LTBP1: variants seen among roughly 807,000 people sequenced by gnomAD.
LTBP1 encodes the protein latent-transforming growth factor beta-binding protein 1.
Under a neutral mutation model 207.6 loss-of-function variants are expected in LTBP1, and 129 were observed. The observed-to-expected ratio is 0.62, with a 90% CI of 0.54 to 0.72. The LOEUF (loss-of-function observed/expected upper bound fraction) is 0.72. Among genes scored for constraint, LTBP1 ranks in the 30% least tolerant of loss-of-function variants. The pLI is 0.00. For synonymous variants in LTBP1, 963 were observed against 833.7 expected, an observed-to-expected ratio of 1.16 and a Z score of -2.67; for missense variants, 2,281 against 2,217.2, an observed-to-expected ratio of 1.03 and a Z score of -0.58.
chr2:33,257,026 T>TATATTCTG (rs1161060510), intron 11 of LTBP1, among the ~76,000 whole-genome samples: 2 of 151,422 alleles, frequency 1.3e-5, no homozygotes, highest in African/African-American at 4.8e-5. Flanking sequence ...ATATAATATG[T>TATATTCTG]ATATTCTGAT....
At chr2:33,318,538 A>G (rs1267317530) in intron 24 of LTBP1, among the ~76,000 whole-genome samples, 1 of 152,228 alleles carries the variant, frequency 6.6e-6, no homozygotes, top group Non-Finnish European at 1.5e-5. Context: ...CTGGATATAA[A>G]TAAGTGCAGA....
intron 19 of LTBP1, among the ~76,000 whole-genome samples, chr2:33,286,710 G>A (rs534057423): frequency 1.3e-5 from 2 of 152,010 alleles, no homozygotes; most frequent in South Asian, 4.2e-4. Flanking sequence ...ACTGGATTAA[G>A]AAAACGTGGC....
chr2:33,081,520 G>A (rs995094654), intron 3 of LTBP1, among the ~76,000 whole-genome samples: 3 of 152,094 alleles, frequency 2.0e-5, no homozygotes, highest in Non-Finnish European at 2.9e-5. Flanking sequence ...AGGGAATTCC[G>A]TGCTCAATCC....
chr2:33,215,466 A>G (rs532703330), intron 7 of LTBP1, among the ~76,000 whole-genome samples: 20 of 152,322 alleles, frequency 1.3e-4, no homozygotes, highest in African/African-American at 4.8e-4. Flanking sequence ...TGATGTAACT[A>G]AAACTTAGCT....
At chr2:33,141,951 AG>A (rs2082672057) in intron 5 of LTBP1, among the ~76,000 whole-genome samples, 1 of 152,224 alleles carries the variant, frequency 6.6e-6, no homozygotes, top group African/African-American at 2.4e-5. Context: ...GGTGAAAAAA[AG>A]GATACAGTCC....
intron 7 of LTBP1, among the ~76,000 whole-genome samples, chr2:33,193,980 A>T (rs1221098800): frequency 6.6e-6 from 1 of 150,736 alleles, no homozygotes; most frequent in South Asian, 2.1e-4. Flanking sequence ...CACTTTATTT[A>T]TTTTTATTTA....
chr2:33,000,186 G>C (rs2148963963), intron 2 of LTBP1, among the ~76,000 whole-genome samples: 1 of 135,378 alleles, frequency 7.4e-6, no homozygotes, highest in East Asian at 3.8e-4. Flanking sequence ...AAAAGTACAG[G>C]GCTCCAGGCC....
chr2:33,056,399 A>G (rs982659029), intron 3 of LTBP1: 77 of 1,200,904 alleles, frequency 6.4e-5, no homozygotes, highest in Non-Finnish European at 8.4e-5. Flanking sequence ...TGTTAGGCAA[A>G]ATGCCGCCCT....
chr2:33,014,994 C>CTTT (rs970499735), intron 2 of LTBP1, among the ~76,000 whole-genome samples: 3 of 141,142 alleles, frequency 2.1e-5, no homozygotes, highest in Admixed American at 7.1e-5. Flanking sequence ...GTTTTGGCCA[C>CTTT]TTTTTTTTTT....
In LTBP1 at chr2:33,188,683, A is replaced by G. The variant is rs149253678; in HGVS notation, c.1533A>G (p.Thr511=). The G allele has an allele frequency of 5.5e-5, 89 of 1,614,178 alleles. No homozygotes were observed. The African/African-American group carries it at 8.9e-4, about 16-fold the overall frequency. ...TTGATGGCCCAACAGGCCAGAAGAC[A>G]AAAGAAGCTCAACCAGGCCAATCCC... ...SRIDGPTGQK[T]KEAQPGQSQV... Residue 511 remains threonine, a synonymous_variant, in exon 7 of 34, where the codon ACA becomes ACG. Coordinates refer to ENST00000404816, the MANE Select transcript of LTBP1 (RefSeq NM_206943.4).
intron 3 of LTBP1, among the ~76,000 whole-genome samples, chr2:33,076,832 GA>G (rs11306482): frequency 0.89 from 135,473 of 152,166 alleles, 62,187 homozygotes; most frequent in East Asian, 1. Flanking sequence ...ACCGCGCCCA[GA>G]CCCTAATGTC....
Position 33,203,332 on chromosome 2 carries a change from A to G in LTBP1, c.1702-14220A>G, listed in dbSNP as rs1028483527. Among the ~76,000 whole-genome samples, 22 of 152,332 alleles carry G rather than the reference A, an allele frequency of 1.4e-4. No homozygotes were observed. In the South Asian group the frequency reaches 4.3e-3, roughly 30 times the overall value. On this transcript the variant is annotated intron_variant, in intron 7 of 33. Transcript: ENST00000404816. ...AAAATCACCGCATGTGAGAGAGAACATGTCTGCATGTCACTGGGCTCCTGC... is the reference window on the plus strand; with the variant it reads ...AAAATCACCGCATGTGAGAGAGAACGTGTCTGCATGTCACTGGGCTCCTGC...
chr2:33,369,729 CAG>C (rs984570282), intron 31 of LTBP1, among the ~76,000 whole-genome samples: 10 of 152,124 alleles, frequency 6.6e-5, no homozygotes, highest in Admixed American at 3.9e-4. Flanking sequence ...TTGGTAGACA[CAG>C]GGGAACTTTT....
chr2:32,981,261 T>G (rs189817030), intron 2 of LTBP1, among the ~76,000 whole-genome samples: 25 of 152,328 alleles, frequency 1.6e-4, no homozygotes, highest in African/African-American at 6.0e-4. Flanking sequence ...TGTGCTTCAT[T>G]CTTTAATTGT....
At chr2:33,042,049 A>G (rs1469610064) in intron 3 of LTBP1, among the ~76,000 whole-genome samples, 1 of 152,218 alleles carries the variant, frequency 6.6e-6, no homozygotes, top group Non-Finnish European at 1.5e-5. Context: ...TAATAGGTGT[A>G]TAGTCGTAGC....
chr2:33,079,220 T>A lies in LTBP1; in HGVS notation c.864-31362T>A, dbSNP rs116051998. Among the ~76,000 whole-genome samples the A allele has an allele frequency of 4.2e-3, 642 of 152,272 alleles. 4 individuals carry two copies. The highest frequency in any genetic ancestry group is 0.014 in the Middle Eastern group (4 of 294). On this transcript the variant is annotated intron_variant, in intron 3 of 33. Transcript: ENST00000404816. ...AGATCCAAAGATGAATAAATGAAGG[T>A]CTTAGTCCTCAAGGATGAAACATTC...
intron 2 of LTBP1, among the ~76,000 whole-genome samples, chr2:32,982,917 A>T (rs573259032): frequency 6.6e-6 from 1 of 152,358 alleles, no homozygotes; most frequent in South Asian, 2.1e-4. Context: ...CAGAAGGGAA[A>T]TGTGGGGTTG....
intron 8 of LTBP1, among the ~76,000 whole-genome samples, chr2:33,220,861 C>T (rs1158788370): frequency 2.6e-5 from 4 of 152,126 alleles, no homozygotes; most frequent in South Asian, 4.2e-4. Flanking sequence ...TTTAGGCATT[C>T]GGGGGAATCT....
chr2:33,092,081 G>A (rs899874707), intron 3 of LTBP1, among the ~76,000 whole-genome samples: 3 of 152,182 alleles, frequency 2.0e-5, no homozygotes, highest in African/African-American at 7.2e-5. Context: ...TGTAGTAGTA[G>A]GTAATCTTGT....
Sources: allele counts gnomAD v4.1 joint callset (sites outside exome capture counted in the v4.1 genomes callset), GRCh38; gene constraint gnomAD v4.1.1; transcripts MANE v1.5; gene names NCBI Gene and HGNC (gene_info 2026-07-23, HGNC 2026-07-21).